Variants in DLG2 observed in about 807,000 individuals in gnomAD.
DLG2 encodes the protein disks large homolog 2.
In DLG2, 45 loss-of-function variants were observed where a neutral mutation model predicts 132.5. That is an observed-to-expected ratio of 0.34 (90% CI 0.27 to 0.44). The LOEUF is 0.44. DLG2 is among the 20% of genes least tolerant of loss of function. The pLI, the probability that DLG2 is intolerant of heterozygous loss-of-function variation, is 1.00. For synonymous variants in DLG2, 424 were observed against 419.6 expected (o/e 1.01, Z -0.13); for missense variants, 1,045 against 1,196.9 (o/e 0.87, Z 1.87).
chr11:85,458,036 T>C (rs2092476531), intron 3 of DLG2, among the ~76,000 whole-genome samples: 1 of 152,230 alleles, frequency 6.6e-6, no homozygotes, highest in Non-Finnish European at 1.5e-5. Context: ...GTTTTCCAAG[T>C]TGCTTGCTTT....
At chr11:84,062,082 A>C (rs968385536) in intron 10 of DLG2, among the ~76,000 whole-genome samples, 5 of 152,264 alleles carry the variant, frequency 3.3e-5, no homozygotes, top group African/African-American at 1.2e-4. Flanking sequence ...AAAATTCTGG[A>C]GGCTATATAT....
intron 17 of DLG2, among the ~76,000 whole-genome samples, chr11:83,794,436 G>GTTTTT (rs1566986420): frequency 3.3e-5 from 3 of 90,000 alleles, no homozygotes; most frequent in African/African-American, 1.5e-4. Flanking sequence ...ATTTACTATT[G>GTTTTT]GTTTTTTTTT....
chr11:85,261,971 T>C (rs1410478089), intron 4 of DLG2, among the ~76,000 whole-genome samples: 1 of 151,876 alleles, frequency 6.6e-6, no homozygotes, highest in East Asian at 1.9e-4. Context: ...TTGGGGTGAA[T>C]GGGAGAGAGA....
At chr11:83,518,954 A>G (rs996781371) in intron 21 of DLG2, among the ~76,000 whole-genome samples, 36 of 152,190 alleles carry the variant, frequency 2.4e-4, no homozygotes, top group Non-Finnish European at 1.5e-5. Flanking sequence ...CTATCTGCTG[A>G]CAGTGCCAAG....
chr11:84,175,771 G>A (rs2095946443), intron 8 of DLG2, among the ~76,000 whole-genome samples: 3 of 151,972 alleles, frequency 2.0e-5, no homozygotes, highest in Non-Finnish European at 4.4e-5. Context: ...TGTGATTTTG[G>A]AAAAATGCTT....
intron 7 of DLG2, among the ~76,000 whole-genome samples, chr11:84,480,613 T>C (rs1321951264): frequency 6.6e-6 from 1 of 151,918 alleles, no homozygotes. Context: ...AATGCCTGGG[T>C]TTTGGAGTCA....
intron 3 of DLG2, among the ~76,000 whole-genome samples, chr11:85,296,590 T>C (rs544637779): frequency 4.0e-5 from 6 of 151,522 alleles, no homozygotes; most frequent in African/African-American, 1.2e-4. Context: ...TCCCCTCTTA[T>C]GTATACCATG....
chr11:84,056,633 A>G (rs2096505403), intron 11 of DLG2, among the ~76,000 whole-genome samples: 1 of 152,170 alleles, frequency 6.6e-6, no homozygotes, highest in Admixed American at 6.6e-5. Flanking sequence ...TCAAAAATGA[A>G]GAATTATAAG....
chr11:83,676,301 A>G (rs930821697), intron 18 of DLG2, among the ~76,000 whole-genome samples: 9 of 152,214 alleles, frequency 5.9e-5, no homozygotes, highest in African/African-American at 1.9e-4. Context: ...TGAAGCTAAC[A>G]CAAAGACAGG....
intron 3 of DLG2, among the ~76,000 whole-genome samples, chr11:85,402,013 A>T (rs2088179263): frequency 6.6e-6 from 1 of 152,212 alleles, no homozygotes; most frequent in Non-Finnish European, 1.5e-5. Context: ...TATGGAACCA[A>T]AAAAGAGCCC....
At position 83,778,250 on chromosome 11, in the gene DLG2, C is replaced by A. The variant is rs148588262; in HGVS notation, c.1825+8440G>T. 3.9e-4 allele frequency among the ~76,000 whole-genome samples: 59 copies of A among 152,206 alleles called. No individual in the cohort carries two copies. In the East Asian group the frequency reaches 0.01, roughly 26 times the overall value. On this transcript the variant is annotated intron_variant, in intron 18 of 27. Coordinates refer to ENST00000376104, the MANE Select transcript of DLG2 (RefSeq NM_001142699.3). ...GGATTATCTAGTGAAGATCTGTGTT[C>A]ATTTTGTAATACTTGTAGAGTCAAG...
intron 21 of DLG2, among the ~76,000 whole-genome samples, chr11:83,503,989 C>A (rs1234076646): frequency 2.0e-5 from 3 of 152,142 alleles, no homozygotes; most frequent in Non-Finnish European, 4.4e-5. Flanking sequence ...GCACCAATCT[C>A]CAACCCAAAT....
intron 6 of DLG2, among the ~76,000 whole-genome samples, chr11:84,762,365 GTTAAC>G (rs1372253803): frequency 2.0e-5 from 3 of 152,124 alleles, no homozygotes; most frequent in Non-Finnish European, 2.9e-5. Flanking sequence ...TATTCTATTA[GTTAAC>G]TTAATACAAT....
Position 83,756,234 on chromosome 11 carries a change from C to T in DLG2, c.1825+30456G>A, listed in dbSNP as rs371431971. Among the ~76,000 whole-genome samples the T allele has an allele frequency of 3.0e-4, 45 of 151,122 alleles. 1 individual carries two copies. The East Asian group carries it at 5.2e-3, about 17-fold the overall frequency. On this transcript the variant is annotated intron_variant, in intron 18 of 27. Coordinates refer to ENST00000376104, the MANE Select transcript of DLG2 (RefSeq NM_001142699.3). ...CAGGAGTGAAATCCAGAATGCATTA[C>T]CTGCTTTTAGAACCACCTGGGCCAC...
At chr11:85,174,191 G>A (rs2079065099) in intron 4 of DLG2, among the ~76,000 whole-genome samples, 1 of 152,036 alleles carries the variant, frequency 6.6e-6, no homozygotes. Flanking sequence ...CCACACGGCA[G>A]TTACTCCAAA....
chr11:83,518,433 G>T (rs1014019942), intron 21 of DLG2, among the ~76,000 whole-genome samples: 1 of 152,192 alleles, frequency 6.6e-6, no homozygotes, highest in South Asian at 2.1e-4. Flanking sequence ...CCTTTTCTTG[G>T]CTGGGAAAGG....
At chr11:84,429,327 G>T (rs1335607906) in intron 7 of DLG2, among the ~76,000 whole-genome samples, 1 of 152,152 alleles carries the variant, frequency 6.6e-6, no homozygotes, top group Non-Finnish European at 1.5e-5. Context: ...ATGTTTGAGT[G>T]GGGAGGAATC....
chr11:84,803,566 TA>T (rs1478854594), intron 6 of DLG2, among the ~76,000 whole-genome samples: 1 of 152,226 alleles, frequency 6.6e-6, no homozygotes, highest in African/African-American at 2.4e-5. Context: ...TCTAACATTT[TA>T]CACCTTACAC....
chr11:84,859,311 ATATATG>A (rs1190857785), intron 6 of DLG2, among the ~76,000 whole-genome samples: 1 of 143,170 alleles, frequency 7.0e-6, no homozygotes, highest in East Asian at 2.0e-4. Flanking sequence ...ATATATACCT[ATATATG>A]TATATCTACA....
Sources: gnomAD v4.1 joint callset for allele counts (sites outside exome capture counted in the v4.1 genomes callset) on GRCh38, gnomAD v4.1.1 for gene constraint, MANE v1.5 for transcripts, NCBI Gene and HGNC (gene_info 2026-07-23, HGNC 2026-07-21) for gene names.